TSPEAR: variants seen among roughly 807,000 people sequenced by gnomAD.
TSPEAR encodes thrombospondin-type laminin G domain and EAR repeat-containing protein.
Under a neutral mutation model 71.6 loss-of-function variants are expected in TSPEAR, and 69 were observed. That is an observed-to-expected ratio of 0.96 (90% CI 0.79 to 1.18). The LOEUF is 1.18. Among genes scored for constraint, TSPEAR ranks in the 50% most tolerant of loss-of-function variants. TSPEAR has a pLI of 0.00. For missense variants in TSPEAR, 971 were observed against 894.9 expected (o/e 1.09, Z -1.09); for synonymous variants, 402 against 387.2 (o/e 1.04, Z -0.45).
intron 3 of TSPEAR, among the ~76,000 whole-genome samples, chr21:44,531,579 G>C (rs782388910): frequency 4.0e-5 from 6 of 150,478 alleles, no homozygotes; most frequent in East Asian, 2.0e-4. Flanking sequence ...ATGAATTCGG[G>C]GGGGGCACTT....
chr21:44,587,227 C>G (rs1241584414), intron 1 of TSPEAR, among the ~76,000 whole-genome samples: 41 of 152,160 alleles, frequency 2.7e-4, no homozygotes, highest in Non-Finnish European at 1.5e-5. Flanking sequence ...AAATCAGTAG[C>G]TCTCCTATAC....
intron 1 of TSPEAR, among the ~76,000 whole-genome samples, chr21:44,680,739 C>A (rs1206793280): frequency 6.6e-6 from 1 of 152,218 alleles, no homozygotes; most frequent in Non-Finnish European, 1.5e-5. Context: ...CCATTTGCAG[C>A]AACATGGATG....
chr21:44,685,335 G>A (rs1444277462), intron 1 of TSPEAR, among the ~76,000 whole-genome samples: 5 of 152,026 alleles, frequency 3.3e-5, no homozygotes, highest in Admixed American at 1.3e-4. Flanking sequence ...GAACAGAGCT[G>A]GAGTGTGAGG....
rs190239243 is a variant in TSPEAR, at chr21:44,676,534, G to A, written c.82+34899C>T. 2.8e-4 allele frequency: 207 copies of A among 750,796 alleles called. 1 individual carries two copies. The African/African-American group carries it at 3.2e-3, about 12-fold the overall frequency. 46.5% of individuals were successfully genotyped at this position (750,796 alleles called of 1,614,324 possible). ...GGCATAGGCGGTATTTATATCCAGA[G>A]TAAAGTTGTGAACTTGCTCTTGACT... is the stretch of plus-strand genomic sequence containing the variant. On this transcript the variant is annotated intron_variant, in intron 1 of 11. Transcript: ENST00000323084.
At chr21:44,542,699 T>C (rs1430108668) in intron 2 of TSPEAR, among the ~76,000 whole-genome samples, 3 of 146,528 alleles carry the variant, frequency 2.0e-5, no homozygotes, top group African/African-American at 7.6e-5. Context: ...TGAGCCAAGA[T>C]TGCACCACTG....
At chr21:44,511,652 A>T (rs2052382588) in intron 9 of TSPEAR, among the ~76,000 whole-genome samples, 1 of 152,242 alleles carries the variant, frequency 6.6e-6, no homozygotes, top group African/African-American at 2.4e-5. Flanking sequence ...ACATTGCTGG[A>T]AAAGACTGAG....
At chr21:44,670,761 G>A (rs1986016890) in intron 1 of TSPEAR, among the ~76,000 whole-genome samples, 1 of 152,160 alleles carries the variant, frequency 6.6e-6, no homozygotes, top group South Asian at 2.1e-4. Flanking sequence ...GTAGCATGGT[G>A]CCATTTTGAG....
intron 1 of TSPEAR, among the ~76,000 whole-genome samples, chr21:44,607,663 C>T (rs1981399963): frequency 6.6e-6 from 1 of 152,110 alleles, no homozygotes; most frequent in Non-Finnish European, 1.5e-5. Context: ...ATTAATACCA[C>T]ACATCCATAA....
At chr21:44,613,096 G>A (rs1184765066) in intron 1 of TSPEAR, 37 of 691,378 alleles carry the variant, frequency 5.4e-5, no homozygotes, top group South Asian at 1.9e-4. Flanking sequence ...CCTGCCTGCT[G>A]GGTCCCCTGT....
chr21:44,526,506 A>C (rs2052858788), intron 7 of TSPEAR, among the ~76,000 whole-genome samples: 1 of 151,832 alleles, frequency 6.6e-6, no homozygotes, highest in South Asian at 2.1e-4. Context: ...AAAAAAAAAA[A>C]CCAACTAGTT....
chr21:44,528,955 G>A (rs977430177), intron 5 of TSPEAR, among the ~76,000 whole-genome samples: 2 of 152,192 alleles, frequency 1.3e-5, no homozygotes, highest in Non-Finnish European at 2.9e-5. Flanking sequence ...TCTTAACGAC[G>A]GCTTGGCTTG....
intron 1 of TSPEAR, among the ~76,000 whole-genome samples, chr21:44,683,902 G>A (rs889514448): frequency 6.6e-6 from 1 of 152,224 alleles, no homozygotes; most frequent in African/African-American, 2.4e-5. Flanking sequence ...TTTTTAAAAT[G>A]GGAATCCTAG....
At chr21:44,684,745 G>A (rs2329893) in intron 1 of TSPEAR, among the ~76,000 whole-genome samples, 97,615 of 151,484 alleles carry the variant, frequency 0.64, 31,613 homozygotes, top group South Asian at 0.72. Context: ...ACGAGGCCAG[G>A]TGGGCCCTGA....
intron 1 of TSPEAR, among the ~76,000 whole-genome samples, chr21:44,641,573 G>C (rs1287668428): frequency 6.6e-6 from 1 of 152,166 alleles, no homozygotes; most frequent in Non-Finnish European, 1.5e-5. Flanking sequence ...TCCAAGAATG[G>C]AAGAAAATCA....
chr21:44,638,631 T>A (rs1166577044), intron 1 of TSPEAR, among the ~76,000 whole-genome samples: 2 of 150,866 alleles, frequency 1.3e-5, no homozygotes, highest in Admixed American at 6.6e-5. Flanking sequence ...CAGGAAGCAA[T>A]GCCTTCTGGT....
intron 9 of TSPEAR, among the ~76,000 whole-genome samples, chr21:44,514,681 A>C (rs116031141): frequency 0.025 from 3,853 of 152,284 alleles, 157 homozygotes; most frequent in African/African-American, 0.084. Context: ...CCCTGTGCCT[A>C]GACTTCTAGG....
chr21:44,583,658 T>C (rs910551634), intron 1 of TSPEAR, among the ~76,000 whole-genome samples: 2 of 152,168 alleles, frequency 1.3e-5, no homozygotes, highest in East Asian at 3.8e-4. Flanking sequence ...TAGTTAATGA[T>C]ACCCTTTGTA....
intron 1 of TSPEAR, chr21:44,666,806 G>A (rs782254359): frequency 3.1e-6 from 5 of 1,611,750 alleles, no homozygotes; most frequent in African/African-American, 2.7e-5. Flanking sequence ...GGCAGGAGCT[G>A]GGCACACAAC....
rs1253757058 is a variant in TSPEAR, at chr21:44,528,524, G to T, written c.850C>A (p.Gln284Lys). The T allele has an allele frequency of 6.2e-7, 1 of 1,614,034 alleles. No homozygotes were observed. Among genetic ancestry groups the T allele is most frequent in the Non-Finnish European group, 8.5e-7 (1 of 1,180,048 alleles). ...QPPCTEVEDA[Q>K]FWFDASRKGL... Reference sequence around the variant, plus strand: ...TTCCGGCTGGCATCAAACCAGAACTGGGCGTCTTCCACCTCGGTACACGGT... The same window carrying T: ...TTCCGGCTGGCATCAAACCAGAACTTGGCGTCTTCCACCTCGGTACACGGT... Residue 284 changes from glutamine (Q) to lysine (K), a missense_variant, in exon 6 of 12, where the codon CAG (glutamine) becomes AAG (lysine). Physicochemically the swap from Gln to Lys is moderately conservative, Grantham distance 53. Coordinates refer to ENST00000323084, the MANE Select transcript of TSPEAR (RefSeq NM_144991.3).
Sources: gnomAD v4.1 joint callset for allele counts (sites outside exome capture counted in the v4.1 genomes callset) on GRCh38, gnomAD v4.1.1 for gene constraint, MANE v1.5 for transcripts, NCBI Gene and HGNC (gene_info 2026-07-23, HGNC 2026-07-21) for gene names.